The following NFATC3 variants were observed in gnomAD, a reference collection of about 807,000 sequenced individuals.
NFATC3 encodes the protein nuclear factor of activated T-cells, cytoplasmic 3.
In NFATC3, 46 loss-of-function variants were observed where a neutral mutation model predicts 98.6. The observed-to-expected ratio is 0.47, with a 90% CI of 0.37 to 0.60. The LOEUF (loss-of-function observed/expected upper bound fraction) is 0.60, where lower values mean the gene tolerates loss of function less well. Ranked by LOEUF, NFATC3 falls within the 20% of genes least tolerant of loss-of-function variation. The probability of loss-of-function intolerance (pLI) is 0.00; values close to 1 mark genes in which losing one functional copy is unlikely to be tolerated. For synonymous variants in NFATC3, 512 were observed against 472.2 expected, an observed-to-expected ratio of 1.08 and a Z score of -1.09; for missense variants, 1,256 against 1,295.5, an observed-to-expected ratio of 0.97 and a Z score of 0.47.
At chr16:68,201,564 C>G (rs1294626588) in intron 9 of NFATC3, among the ~76,000 whole-genome samples, 1 of 151,200 alleles carries the variant, frequency 6.6e-6, no homozygotes, top group Non-Finnish European at 1.5e-5. Flanking sequence ...AGCCACTGTG[C>G]CCGTTTGTCA....
chr16:68,218,763 G>A (rs1223926990), intron 9 of NFATC3, among the ~76,000 whole-genome samples: 3 of 150,876 alleles, frequency 2.0e-5, no homozygotes, highest in East Asian at 2.1e-4. Context: ...TAATAGAGAC[G>A]GGGTTTCACC....
Position 68,122,778 on chromosome 16 carries a change from C to T in NFATC3, c.895C>T (p.His299Tyr). 6.2e-7 allele frequency: 1 copy of T among 1,614,242 alleles called. No individual in the cohort carries two copies. The highest frequency in any genetic ancestry group is 2.2e-5 in the East Asian group (1 of 44,888). Residue 299 changes from histidine to tyrosine, a missense_variant, in exon 2 of 10, where the codon CAC (histidine) becomes TAC (tyrosine). His to Tyr is a moderately conservative substitution (Grantham distance 83, BLOSUM62 2). Transcript: ENST00000346183. ...PHHSPVPSPGHSPRGSVTEDT... is the reference protein window; with the variant it reads ...PHHSPVPSPGYSPRGSVTEDT... ...TCACTCACCTGTTCCTTCACCTGGT[C>T]ACTCCCCCAGGGGAAGTGTGACAGA...
At chr16:68,146,395 C>A (rs796325104) in intron 3 of NFATC3, among the ~76,000 whole-genome samples, 7 of 151,180 alleles carry the variant, frequency 4.6e-5, no homozygotes, top group African/African-American at 1.5e-4. Flanking sequence ...CATAGCAAGA[C>A]CTTGTCTCCC....
intron 5 of NFATC3, 100 bp downstream of exon 5, chr16:68,167,115 C>A: frequency 2.4e-6 from 3 of 1,237,716 alleles, no homozygotes; most frequent in Non-Finnish European, 3.4e-6. Flanking sequence ...CAAACTGAGG[C>A]ATACAATCTG....
chr16:68,179,154 C>T (rs2039847598), intron 6 of NFATC3, among the ~76,000 whole-genome samples: 1 of 152,162 alleles, frequency 6.6e-6, no homozygotes, highest in Non-Finnish European at 1.5e-5. Flanking sequence ...CATGTTAAGT[C>T]TCAGTTCAAG....
chr16:68,209,848 C>G (rs1331083072), intron 9 of NFATC3: 3 of 341,816 alleles, frequency 8.8e-6, no homozygotes, highest in South Asian at 2.3e-5. Context: ...AACACACACA[C>G]AGACACACAC....
chr16:68,103,856 T>C (rs2035500472), intron 1 of NFATC3, among the ~76,000 whole-genome samples: 1 of 152,250 alleles, frequency 6.6e-6, no homozygotes, highest in Admixed American at 6.5e-5. Context: ...TGGCCATAGA[T>C]ATTCGGGTTT....
At chr16:68,112,683 G>A (rs1339778461) in intron 1 of NFATC3, among the ~76,000 whole-genome samples, 6 of 114,418 alleles carry the variant, frequency 5.2e-5, no homozygotes, top group Non-Finnish European at 9.7e-5. Context: ...ACGGAGTCTC[G>A]CTCTGTCGCC....
intron 7 of NFATC3, 56 bp downstream of exon 7, chr16:68,181,586 A>G: frequency 7.9e-7 from 1 of 1,267,186 alleles, no homozygotes; most frequent in Non-Finnish European, 1.1e-6. Context: ...TAGAAAATTG[A>G]ATAATGCTGC....
At chr16:68,158,547 T>C (rs1240994339) in intron 4 of NFATC3, among the ~76,000 whole-genome samples, 3 of 152,252 alleles carry the variant, frequency 2.0e-5, no homozygotes, top group Admixed American at 2.0e-4. Flanking sequence ...AGAAACCTGA[T>C]ATGCAGTGGC....
chr16:68,164,061 T>C (rs1476320229), intron 4 of NFATC3, among the ~76,000 whole-genome samples: 2 of 150,762 alleles, frequency 1.3e-5, no homozygotes, highest in Non-Finnish European at 3.0e-5. Context: ...GGCTGGGAGG[T>C]GGAGGTTGTA....
intron 1 of NFATC3, among the ~76,000 whole-genome samples, chr16:68,100,805 C>T (rs140390844): frequency 1.5e-3 from 227 of 150,902 alleles, no homozygotes; most frequent in Middle Eastern, 3.4e-3. Flanking sequence ...TTTTGCCATC[C>T]GTATATTATT....
In NFATC3 at chr16:68,157,931, A is replaced by G; in HGVS notation, c.1464A>G (p.Arg488=). The G allele has an allele frequency of 1.2e-6, 2 of 1,613,928 alleles. No individual in the cohort carries two copies. The highest frequency in any genetic ancestry group is 8.5e-7 in the Non-Finnish European group (1 of 1,179,902). ...LQMFIGTADD[R]YLRPHAFYQV... is the part of the protein sequence containing the mutation. ...TGTTTATTGGGACAGCAGATGATCGATATTTACGACCTCATGCATTTTACC... is the reference window on the plus strand; with the variant it reads ...TGTTTATTGGGACAGCAGATGATCGGTATTTACGACCTCATGCATTTTACC... The change falls in exon 4 of 10, where the codon CGA becomes CGG. Residue 488 remains arginine, a synonymous_variant. Coordinates refer to ENST00000346183, the MANE Select transcript of NFATC3 (RefSeq NM_173165.3).
intron 1 of NFATC3, among the ~76,000 whole-genome samples, chr16:68,108,457 C>T (rs2035782285): frequency 1.3e-5 from 2 of 152,116 alleles, no homozygotes; most frequent in Admixed American, 6.6e-5. Flanking sequence ...TGTACCAGTA[C>T]CATGCTGTTT....
At chr16:68,152,064 CA>C (rs113165246) in intron 3 of NFATC3, among the ~76,000 whole-genome samples, 15,119 of 80,256 alleles carry the variant, frequency 0.19, 967 homozygotes, top group Middle Eastern at 0.37. Context: ...GGCTCCGTTT[CA>C]AAAAAAAAAA....
At chr16:68,137,833 G>T (rs1353012748) in intron 3 of NFATC3, among the ~76,000 whole-genome samples, 1 of 151,848 alleles carries the variant, frequency 6.6e-6, no homozygotes, top group Non-Finnish European at 1.5e-5. Flanking sequence ...AGCCAGGATG[G>T]TCACGATCTT....
At chr16:68,156,646 A>G (rs1050454154) in intron 3 of NFATC3, among the ~76,000 whole-genome samples, 2 of 152,200 alleles carry the variant, frequency 1.3e-5, no homozygotes, top group African/African-American at 4.8e-5. Flanking sequence ...CATGATTTAA[A>G]AAAAGCAAAA....
intron 4 of NFATC3, among the ~76,000 whole-genome samples, chr16:68,165,740 A>G (rs1235738575): frequency 1.3e-5 from 2 of 152,152 alleles, no homozygotes; most frequent in African/African-American, 4.8e-5. Flanking sequence ...TTGTCCTTCA[A>G]AGTGACTTCT....
chr16:68,197,775 A>C (rs1190987431), intron 9 of NFATC3, among the ~76,000 whole-genome samples: 1 of 152,240 alleles, frequency 6.6e-6, no homozygotes, highest in African/African-American at 2.4e-5. Flanking sequence ...TACTACTTAA[A>C]GATACTTATC....
Sources: gnomAD v4.1 joint callset for allele counts (sites outside exome capture counted in the v4.1 genomes callset) on GRCh38, gnomAD v4.1.1 for gene constraint, MANE v1.5 for transcripts, NCBI Gene and HGNC (gene_info 2026-07-23, HGNC 2026-07-21) for gene names.